HMX1: variants seen among roughly 807,000 people sequenced by gnomAD.
The protein encoded by HMX1 is homeobox protein HMX1.
A neutral mutation model predicts 8.9 loss-of-function variants in HMX1; 8 were observed. The ratio of observed to expected loss-of-function variants is 0.90; its 90% CI spans 0.53 to 1.63. The LOEUF is 1.63. HMX1 is among the 40% of genes most tolerant of loss of function. The probability of loss-of-function intolerance (pLI) is 0.00; values close to 1 mark genes in which losing one functional copy is unlikely to be tolerated. For synonymous variants in HMX1, 311 were observed against 283.4 expected, an observed-to-expected ratio of 1.10 and a Z score of -0.98; for missense variants, 621 against 558.5, an observed-to-expected ratio of 1.11 and a Z score of -1.13.
chr4:8,846,546 G>T (rs1487054962), intron 1 of HMX1, among the ~76,000 whole-genome samples: 1 of 152,216 alleles, frequency 6.6e-6, no homozygotes, highest in Admixed American at 6.5e-5. Context: ...GAACCCAGGT[G>T]TAACAGGCTC....
At chr4:8,846,911 C>A (rs1410618704) in intron 1 of HMX1, among the ~76,000 whole-genome samples, 1 of 152,216 alleles carries the variant, frequency 6.6e-6, no homozygotes, top group African/African-American at 2.4e-5. Flanking sequence ...TGTTTTAGTG[C>A]TTCTTTTTAG....
chr4:8,861,539 C>A (rs1721819860), intron 1 of HMX1, among the ~76,000 whole-genome samples: 1 of 152,158 alleles, frequency 6.6e-6, no homozygotes, highest in Admixed American at 6.5e-5. Context: ...TCGTGCGCCG[C>A]GAAGAGGGAC....
rs1721347848 is a variant in HMX1 at position 8,848,724 on chromosome 4, T to C, written c.395-2400A>G. Among the ~76,000 whole-genome samples, 1 of 152,152 alleles carries C rather than the reference T, an allele frequency of 6.6e-6. No homozygotes were observed. Among genetic ancestry groups the C allele is most frequent in the Non-Finnish European group, 1.5e-5 (1 of 68,032 alleles). Reference sequence around the variant, plus strand: ...TGCAGGCCACTAGAACCAAGCAAGATGCCAACATGCCTGACACCCAACCTG... The same window carrying C: ...TGCAGGCCACTAGAACCAAGCAAGACGCCAACATGCCTGACACCCAACCTG... On this transcript the variant is annotated intron_variant, in intron 1 of 1. Coordinates refer to the HMX1 transcript ENST00000506970. This position sits in a 1 kb window ranked among gnomAD's most constrained non-coding sequence, Gnocchi z 4.1.
At chr4:8,856,844 T>C (rs1029200632) in intron 1 of HMX1, among the ~76,000 whole-genome samples, 1 of 152,150 alleles carries the variant, frequency 6.6e-6, no homozygotes, top group African/African-American at 2.4e-5. Context: ...ATCCCAACAC[T>C]TGGGGAGGCC....
rs563246526 is a variant in HMX1 at position 8,868,134 on chromosome 4, T to C, written c.606A>G (p.Arg202=). The change falls in exon 2 of 2, where the codon CGA becomes CGG. Residue 202 remains arginine (R), a synonymous_variant. Transcript: ENST00000400677. The surrounding 1 kb of genome is among the most constrained non-coding windows in gnomAD (Gnocchi z 4.6). The stretch of plus-strand genomic sequence containing the variant: ...AGAAGACTGTGCGCGTCTTCTTCTT[T>C]CGGCCGCCGCCCACGCCAACGCCGC... ...TRGGVGVGGG[R]KKKTRTVFSR... 36 of 1,510,840 alleles carry C rather than the reference T, an allele frequency of 2.4e-5. No homozygotes were observed. In the Admixed American group the frequency reaches 3.3e-4, roughly 14 times the overall value. 93.6% of individuals were successfully genotyped at this position (1,510,840 alleles called of 1,614,324 possible).
At chr4:8,866,780 C>T (rs1011590369), downstream of HMX1, among the ~76,000 whole-genome samples, 3 of 152,232 alleles carry the variant, frequency 2.0e-5, no homozygotes, top group Non-Finnish European at 2.9e-5. Flanking sequence ...TCCTGCCTTT[C>T]GGTTTCAGTC....
chr4:8,850,033 C>A (rs930777823), intron 1 of HMX1, among the ~76,000 whole-genome samples: 10 of 152,162 alleles, frequency 6.6e-5, no homozygotes, highest in African/African-American at 2.4e-4. Flanking sequence ...CCTCAGCCCA[C>A]CCATGTGCCG....
rs1057442052 is a variant in HMX1, at chr4:8,853,296, C to T, written c.395-6972G>A. Among the ~76,000 whole-genome samples the T allele has an allele frequency of 2.0e-5, 3 of 152,264 alleles. No homozygotes were observed. Among genetic ancestry groups the T allele is most frequent in the Non-Finnish European group, 2.9e-5 (2 of 68,026 alleles). ...CACCAGGGACCTGGCTCCTTCTATC[C>T]GAGGCTCTGCTTTGCTGTAACTAAA... On this transcript the variant is annotated intron_variant, in intron 1 of 1. Coordinates refer to the HMX1 transcript ENST00000506970. The surrounding 1 kb of genome is among the most constrained non-coding windows in gnomAD (Gnocchi z 4.7).
downstream of HMX1, among the ~76,000 whole-genome samples, chr4:8,865,119 C>T (rs1489687623): frequency 6.6e-6 from 1 of 152,192 alleles, no homozygotes; most frequent in East Asian, 1.9e-4. Flanking sequence ...GTGGTTAAGG[C>T]CACCTGTGAA....
rs370177953 is a variant in HMX1, at chr4:8,867,417, G to A, written c.*276C>T. The A allele has an allele frequency of 2.8e-6, 3 of 1,087,958 alleles. No individual in the cohort carries two copies. The highest frequency in any genetic ancestry group is 1.7e-5 in the African/African-American group (1 of 60,270). 67.4% of individuals were successfully genotyped at this position (1,087,958 alleles called of 1,614,324 possible). A position where few individuals can be genotyped will look rare whatever the true frequency, so the allele number is the denominator to read the frequency against. ...TCCTCGCTGAGGCCGGGGGGTGGCC[G>A]TGGCGCCGGGGGCTGCGCAGCCCAG... On this transcript the variant is annotated 3_prime_UTR_variant, in exon 2 of 2. Transcript: ENST00000400677.
intron 1 of HMX1, among the ~76,000 whole-genome samples, chr4:8,846,616 C>T (rs1721284413): frequency 6.6e-6 from 1 of 152,160 alleles, no homozygotes; most frequent in South Asian, 2.1e-4. Flanking sequence ...GGTGAAGTGC[C>T]ACCTGCAACC....
Position 8,867,989 on chromosome 4 carries a change from AC to A in HMX1, c.750del (p.Trp250CysfsTer160). 6.5e-7 allele frequency: 1 copy of A among 1,536,668 alleles called. No individual in the cohort carries two copies. The highest frequency in any genetic ancestry group is 8.8e-7 in the Non-Finnish European group (1 of 1,141,302). ...TTCCACTTGTTGCGGCGGTTCTGGA[AC>A]CAGATCTTAACCTGCGTCTCGGTGA... is the stretch of plus-strand genomic sequence containing the variant. ...LQLTETQVKI[W>X]FQNRRNKWKR... On this transcript the variant is annotated frameshift_variant, in exon 2 of 2. Transcript: ENST00000400677. LOFTEE classifies it low-confidence loss of function (END_TRUNC).
At chr4:8,866,365 A>T (rs1721995068), downstream of HMX1, among the ~76,000 whole-genome samples, 1 of 152,256 alleles carries the variant, frequency 6.6e-6, no homozygotes. Flanking sequence ...CTGCCATGGA[A>T]GTGAACTTTT....
chr4:8,864,748 G>A (rs1721941776), downstream of HMX1, among the ~76,000 whole-genome samples: 1 of 152,204 alleles, frequency 6.6e-6, no homozygotes, highest in Non-Finnish European at 1.5e-5. Context: ...AATCCAGCTT[G>A]GGATCTGTTT....
At position 8,868,186 on chromosome 4, in the gene HMX1, A is replaced by C. The variant is rs1035394403; in HGVS notation, c.554T>G (p.Val185Gly). Residue 185 changes from valine to glycine, a missense_variant, in exon 2 of 2, where the codon GTC (valine) becomes GGC (glycine). Physicochemically the swap from Val to Gly is moderately radical, Grantham distance 109. Coordinates refer to ENST00000400677, the MANE Select transcript of HMX1 (RefSeq NM_018942.3). This position sits in a 1 kb window ranked among gnomAD's most constrained non-coding sequence, Gnocchi z 4.6. ...GTEEASELAE[V>G]PAAAGETRGG... is the part of the protein sequence containing the mutation. ...GCGTGTCTCCCCAGCCGCCGCAGGGACCTCGGCCAGCTCCGACGCCTCCTC... is the reference window on the plus strand; with the variant it reads ...GCGTGTCTCCCCAGCCGCCGCAGGGCCCTCGGCCAGCTCCGACGCCTCCTC... 1 of 1,490,828 alleles carries C rather than the reference A, an allele frequency of 6.7e-7. No homozygotes were observed. Among genetic ancestry groups the C allele is most frequent in the African/African-American group, 1.5e-5 (1 of 68,852 alleles). 92.3% of individuals were successfully genotyped at this position (1,490,828 alleles called of 1,614,324 possible).
chr4:8,871,824 G>T lies in HMX1; in HGVS notation c.-210C>A, dbSNP rs1722238473. 1.9e-6 allele frequency: 1 copy of T among 520,776 alleles called. No homozygotes were observed. Among genetic ancestry groups the T allele is most frequent in the Non-Finnish European group, 2.5e-6 (1 of 405,448 alleles). The allele number at this position is 520,776 out of a possible 1,614,324, so 32.3% of individuals were successfully genotyped here. On this transcript the variant is annotated 5_prime_UTR_variant, in exon 1 of 2. Transcript: ENST00000400677. The surrounding 1 kb of genome is among the most constrained non-coding windows in gnomAD (Gnocchi z 4.8). ...CGCGCCGACAGCTGATCGGGCAGCC[G>T]CCTGGCTCGCCTTTCAGGTCGCCGT...
downstream of HMX1, among the ~76,000 whole-genome samples, chr4:8,864,599 C>A (rs960619448): frequency 6.6e-6 from 1 of 152,218 alleles, no homozygotes; most frequent in African/African-American, 2.4e-5. Context: ...AGCCTGGTCC[C>A]GCTTGCTCTC....
At chr4:8,865,055 T>C (rs1295861347), downstream of HMX1, among the ~76,000 whole-genome samples, 2 of 152,142 alleles carry the variant, frequency 1.3e-5, no homozygotes, top group East Asian at 3.9e-4. Flanking sequence ...CTGGCACCCA[T>C]AGGGCTCTCA....
At chr4:8,864,248 G>A (rs1343993063), downstream of HMX1, among the ~76,000 whole-genome samples, 3 of 152,224 alleles carry the variant, frequency 2.0e-5, no homozygotes, top group Non-Finnish European at 2.9e-5. Flanking sequence ...AGGCCTGGAG[G>A]AGAGAAGGGG....
Sources: gnomAD v4.1 joint callset for allele counts (sites outside exome capture counted in the v4.1 genomes callset) on GRCh38, gnomAD v4.1.1 for gene constraint, Gnocchi (gnomAD v3.1) non-coding constraint, MANE v1.5 for transcripts, NCBI Gene and HGNC (gene_info 2026-07-23, HGNC 2026-07-21) for gene names.